The following FOXP4 variants were observed in gnomAD, a reference collection of about 807,000 sequenced individuals.
FOXP4 encodes the protein forkhead box protein P4.
In FOXP4, 25 loss-of-function variants were observed where a neutral mutation model predicts 82.6. That is an observed-to-expected ratio of 0.30 (90% CI 0.22 to 0.42). The LOEUF is 0.42. Among genes scored for constraint, FOXP4 ranks in the 10% least tolerant of loss-of-function variants. The probability of loss-of-function intolerance (pLI) is 1.00; values close to 1 mark genes in which losing one functional copy is unlikely to be tolerated. For synonymous variants in FOXP4, 415 were observed against 388.2 expected, an observed-to-expected ratio of 1.07 and a Z score of -0.81; for missense variants, 785 against 900.9, an observed-to-expected ratio of 0.87 and a Z score of 1.65.
intron 14 of FOXP4, 148 bp downstream of exon 14, chr6:41,595,139 T>C: frequency 1.6e-6 from 2 of 1,224,530 alleles, no homozygotes; most frequent in East Asian, 5.1e-5. Flanking sequence ...CAGAGGAGAC[T>C]AGTGCTTGGG....
At chr6:41,578,124 T>G (rs746393065) in intron 3 of FOXP4, 43 bp downstream of exon 3, 1 of 1,555,204 alleles carries the variant, frequency 6.4e-7, no homozygotes, top group African/African-American at 1.4e-5. Context: ...TGGGCTGGAG[T>G]GTGGGCCTGG....
intron 1 of FOXP4, among the ~76,000 whole-genome samples, chr6:41,551,680 T>G (rs1764006456): frequency 6.6e-6 from 1 of 152,182 alleles, no homozygotes; most frequent in Admixed American, 6.5e-5. Context: ...GTATGTAGAA[T>G]AGAGACCATC....
At chr6:41,596,306 C>A (rs1766829727) in intron 14 of FOXP4, among the ~76,000 whole-genome samples, 1 of 152,212 alleles carries the variant, frequency 6.6e-6, no homozygotes. Flanking sequence ...ACAGCCCCAC[C>A]CCAGCCACCT....
intron 5 of FOXP4, 136 bp from the exon 6 acceptor site, chr6:41,586,873 T>C: frequency 7.2e-7 from 1 of 1,388,040 alleles, no homozygotes; most frequent in Non-Finnish European, 9.5e-7. Flanking sequence ...GCAGAGACAC[T>C]GCAGCTGCAG....
intron 3 of FOXP4, among the ~76,000 whole-genome samples, chr6:41,578,531 T>C (rs1333917339): frequency 2.0e-5 from 3 of 151,104 alleles, no homozygotes; most frequent in African/African-American, 7.3e-5. Flanking sequence ...CCCCCTTCTC[T>C]TATCCTCCCC....
In FOXP4 at chr6:41,587,364, G is replaced by C. The variant is rs748410352; in HGVS notation, c.724G>C (p.Glu242Gln). ...CGAGGGTGCCCCCGGGCAGCCTGCC[G>C]AGGACAGCGTCAAGCAGGAGGGGCT... is the stretch of plus-strand genomic sequence containing the variant. ...KGEGAPGQPA[E>Q]DSVKQEGLDL... Residue 242 changes from glutamate (E) to glutamine (Q), a missense_variant, in exon 7 of 17, where the codon GAG becomes CAG. By Grantham distance (29) the Glu-to-Gln change is conservative. Transcript: ENST00000307972. The C allele has an allele frequency of 1.2e-6, 2 of 1,608,372 alleles. No homozygotes were observed. Among genetic ancestry groups the C allele is most frequent in the South Asian group, 2.2e-5 (2 of 90,144 alleles).
intron 1 of FOXP4, among the ~76,000 whole-genome samples, chr6:41,561,008 C>CCGGCGAGTTCCAAGGG (rs1315833368): frequency 1.3e-5 from 2 of 152,202 alleles, no homozygotes; most frequent in African/African-American, 2.4e-5. Context: ...GGGGCGGTCT[C>CCGGCGAGTTCCAAGGG]CGGCGAGTTC....
intron 8 of FOXP4, 150 bp downstream of exon 8, chr6:41,588,047 C>A (rs1480940281): frequency 3.4e-6 from 2 of 595,800 alleles, no homozygotes; most frequent in Middle Eastern, 2.7e-4. Context: ...TTCTCTGCCC[C>A]CCACGGACTC....
chr6:41,547,208 G>C (rs1763683936), intron 1 of FOXP4, among the ~76,000 whole-genome samples: 1 of 151,906 alleles, frequency 6.6e-6, no homozygotes, highest in South Asian at 2.1e-4. Context: ...GGGGCGGCCG[G>C]AGAGGCCACC....
Position 41,585,028 on chromosome 6 carries a change from T to G in FOXP4, c.423+137T>G, listed in dbSNP as rs960404873. 6 of 1,245,448 alleles carry G rather than the reference T, an allele frequency of 4.8e-6. No homozygotes were observed. In the Admixed American group the frequency reaches 1.4e-4, roughly 30 times the overall value. 77.1% of individuals were successfully genotyped at this position (1,245,448 alleles called of 1,614,324 possible). A position where few individuals can be genotyped will look rare whatever the true frequency, so the allele number is the denominator to read the frequency against. ...CTCAGGCCAGACTGATCTGCATTCC[T>G]CTAGGGTAGTGGGGAGAGGTCAAAG... On this transcript the variant is annotated intron_variant, in intron 4 of 16. Coordinates refer to ENST00000307972, the MANE Select transcript of FOXP4 (RefSeq NM_001012426.2).
intron 1 of FOXP4, among the ~76,000 whole-genome samples, chr6:41,551,165 G>T (rs1763974979): frequency 6.6e-6 from 1 of 152,124 alleles, no homozygotes; most frequent in Non-Finnish European, 1.5e-5. Flanking sequence ...GTTGCTCCTG[G>T]GCCCTTGCAG....
intron 16 of FOXP4, 141 bp downstream of exon 16, chr6:41,598,091 C>T: frequency 3.0e-6 from 2 of 666,322 alleles, no homozygotes; most frequent in Non-Finnish European, 4.8e-6. Context: ...TCTCTTCCTT[C>T]CCTCAGCCCT....
Position 41,591,670 on chromosome 6 carries a change from TCA to T in FOXP4, c.1536+351_1536+352del, listed in dbSNP as rs61592356. Among the ~76,000 whole-genome samples the T allele has an allele frequency of 0.24, 35,960 of 151,992 alleles. 4,779 individuals are homozygous for T. The highest frequency in any genetic ancestry group is 0.35 in the African/African-American group (14,646 of 41,422). On this transcript the variant is annotated intron_variant, in intron 13 of 16. Coordinates refer to ENST00000307972, the MANE Select transcript of FOXP4 (RefSeq NM_001012426.2). The surrounding 1 kb of genome is among the most constrained non-coding windows in gnomAD (Gnocchi z 4.2). ...TTGATACAGAAGCCTGGGCCGAATT[TCA>T]CAGAGACCCTAAGGGTCTGGATACC...
intron 2 of FOXP4, among the ~76,000 whole-genome samples, chr6:41,573,171 C>T (rs1486813459): frequency 6.6e-6 from 1 of 152,134 alleles, no homozygotes; most frequent in East Asian, 1.9e-4. Context: ...GATCTGGGAT[C>T]CTCCAGCCTG....
rs144113235 is a variant in FOXP4, at chr6:41,549,466, T to C, written c.-17+2599T>C. On this transcript the variant is annotated intron_variant, in intron 1 of 16. Coordinates refer to ENST00000307972, the MANE Select transcript of FOXP4 (RefSeq NM_001012426.2). ...GAGCCGAAAACTTCCGTTCTGGCTG[T>C]AGGCAGGTAGGTCCCTTCTTGCCAG... 3.5e-4 allele frequency among the ~76,000 whole-genome samples: 54 copies of C among 152,176 alleles called. 1 individual carries two copies. The highest frequency in any genetic ancestry group is 3.4e-3 in the Middle Eastern group (1 of 294).
rs1403451351 is a variant in FOXP4 at position 41,565,753 on chromosome 6, A to G, written c.-8A>G. 5 of 1,592,828 alleles carry G rather than the reference A, an allele frequency of 3.1e-6. No homozygotes were observed. The highest frequency in any genetic ancestry group is 1.3e-5 in the African/African-American group (1 of 74,692). Reference sequence around the variant, plus strand: ...CTCTCTTCCTCCTCCAGGTACCGCTAGAGCGACATGATGGTGGAATCTGCC... The same window carrying G: ...CTCTCTTCCTCCTCCAGGTACCGCTGGAGCGACATGATGGTGGAATCTGCC... On this transcript the variant is annotated 5_prime_UTR_variant, in exon 2 of 17. Transcript: ENST00000307972.
chr6:41,558,116 G>C lies in FOXP4; in HGVS notation c.-16-7629G>C, dbSNP rs956086549. Among the ~76,000 whole-genome samples, 2 of 152,154 alleles carry C rather than the reference G, an allele frequency of 1.3e-5. No individual in the cohort carries two copies. The highest frequency in any genetic ancestry group is 2.4e-5 in the African/African-American group (1 of 41,444). ...ATGGGGGTACAGAGGGAAGTCCAGC[G>C]TGCCAGCCTCTGACCCACACAATGA... On this transcript the variant is annotated intron_variant, in intron 1 of 16. Transcript: ENST00000307972. The surrounding 1 kb of genome is among the most constrained non-coding windows in gnomAD (Gnocchi z 4.0).
In FOXP4 at chr6:41,586,127, C is replaced by T. The variant is rs180835155; in HGVS notation, c.510+610C>T. Among the ~76,000 whole-genome samples, 259 of 152,258 alleles carry T rather than the reference C, an allele frequency of 1.7e-3. 1 individual carries two copies. The highest frequency in any genetic ancestry group is 5.9e-3 in the African/African-American group (247 of 41,536). ...AACCGCAGCCCCAAGCTCTAAGTTT[C>T]CTCTTCCCAGAAGGCTGCCCTGACA... On this transcript the variant is annotated intron_variant, in intron 5 of 16. Coordinates refer to ENST00000307972, the MANE Select transcript of FOXP4 (RefSeq NM_001012426.2).
intron 1 of FOXP4, among the ~76,000 whole-genome samples, chr6:41,556,969 G>A (rs375982206): frequency 2.0e-5 from 3 of 152,156 alleles, no homozygotes; most frequent in Admixed American, 6.5e-5. Context: ...AGATGATTCC[G>A]ATGTTCAGAA....
Sources: allele counts gnomAD v4.1 joint callset (sites outside exome capture counted in the v4.1 genomes callset), GRCh38; gene constraint gnomAD v4.1.1; non-coding constraint Gnocchi (gnomAD v3.1); transcripts MANE v1.5; gene names NCBI Gene and HGNC (gene_info 2026-07-23, HGNC 2026-07-21).